Variants in ERC2 observed in about 807,000 individuals in gnomAD.
ERC2 encodes ELKS/RAB6-interacting/CAST family member 2, also known as ERC protein 2.
Under a neutral mutation model 114.8 loss-of-function variants are expected in ERC2, and 42 were observed. The observed-to-expected ratio is 0.37, with a 90% CI of 0.29 to 0.47. The LOEUF is 0.47. ERC2 is among the 20% of genes least tolerant of loss of function. The pLI, the probability that ERC2 is intolerant of heterozygous loss-of-function variation, is 0.99. For synonymous variants in ERC2, 454 were observed against 425.5 expected (o/e 1.07, Z -0.82); for missense variants, 939 against 1,150.7 (o/e 0.82, Z 2.66).
chr3:56,161,245 C>A (rs906474394), intron 4 of ERC2, among the ~76,000 whole-genome samples: 1 of 152,172 alleles, frequency 6.6e-6, no homozygotes, highest in South Asian at 2.1e-4. Context: ...AGAAGCTGAG[C>A]AGTTGTTGTT....
chr3:56,250,389 G>A (rs2052062261), intron 3 of ERC2, among the ~76,000 whole-genome samples: 1 of 152,190 alleles, frequency 6.6e-6, no homozygotes, highest in African/African-American at 2.4e-5. Flanking sequence ...TTACCTTTAG[G>A]AAGTATGAGA....
intron 3 of ERC2, among the ~76,000 whole-genome samples, chr3:56,233,952 G>A (rs2050786115): frequency 6.6e-6 from 1 of 152,110 alleles, no homozygotes; most frequent in South Asian, 2.1e-4. Context: ...ATCTAGGATA[G>A]TCTCCTCATC....
rs118119881 is a variant in ERC2, at chr3:55,804,473, G to T, written c.2565-69555C>A. ...CTAACCCCAGAGACAGGATGATTAG[G>T]AGTCTACTGGTTGTTTGCTGTGAAA... On this transcript the variant is annotated intron_variant, in intron 14 of 17. Transcript: ENST00000288221. Among the ~76,000 whole-genome samples, 4 of 152,252 alleles carry T rather than the reference G, an allele frequency of 2.6e-5. No individual in the cohort carries two copies. In the East Asian group the frequency reaches 7.7e-4, roughly 29 times the overall value.
chr3:55,564,215 G>C (rs1403990932), intron 17 of ERC2, among the ~76,000 whole-genome samples: 1 of 152,166 alleles, frequency 6.6e-6, no homozygotes, highest in East Asian at 1.9e-4. Context: ...TTATTATTTG[G>C]AACTAGGAAG....
intron 14 of ERC2, among the ~76,000 whole-genome samples, chr3:55,876,837 G>A (rs1387112999): frequency 2.0e-5 from 3 of 152,194 alleles, no homozygotes; most frequent in Non-Finnish European, 4.4e-5. Flanking sequence ...TGAGAACTGT[G>A]TCAATTCCAC....
chr3:55,802,752 G>A (rs1335975675), intron 14 of ERC2, among the ~76,000 whole-genome samples: 1 of 152,102 alleles, frequency 6.6e-6, no homozygotes, highest in East Asian at 1.9e-4. Flanking sequence ...AAATCAGCAA[G>A]TTTAGGGGGA....
intron 13 of ERC2, among the ~76,000 whole-genome samples, chr3:55,945,686 A>T (rs1213417533): frequency 6.6e-6 from 1 of 152,244 alleles, no homozygotes; most frequent in Non-Finnish European, 1.5e-5. Flanking sequence ...AAATTAAAAA[A>T]TAAAATTGCC....
chr3:55,904,535 C>T (rs1040885461), intron 13 of ERC2, among the ~76,000 whole-genome samples: 1 of 152,180 alleles, frequency 6.6e-6, no homozygotes, highest in African/African-American at 2.4e-5. Context: ...CCTCATTCTA[C>T]CCCTTTTTGC....
intron 10 of ERC2, 95 bp from the exon 11 acceptor site, chr3:55,992,345 G>T (rs2071144216): frequency 9.0e-7 from 1 of 1,111,342 alleles, no homozygotes; most frequent in Non-Finnish European, 1.3e-6. Context: ...ACTTTGGAGA[G>T]AAAATCACCA....
chr3:55,891,959 T>C (rs1263954245), intron 13 of ERC2, among the ~76,000 whole-genome samples: 2 of 152,192 alleles, frequency 1.3e-5, no homozygotes, highest in Non-Finnish European at 2.9e-5. Context: ...TTTTAACTGA[T>C]TGACTGTACA....
chr3:56,160,019 T>G (rs893385480), intron 4 of ERC2, among the ~76,000 whole-genome samples: 3 of 152,162 alleles, frequency 2.0e-5, no homozygotes, highest in African/African-American at 7.2e-5. Context: ...CTTTGGGTAA[T>G]GGGATTGCTG....
chr3:55,750,490 C>G (rs151049303), intron 14 of ERC2, among the ~76,000 whole-genome samples: 127 of 152,134 alleles, frequency 8.3e-4, no homozygotes, highest in African/African-American at 2.9e-3. Context: ...CCTTTCAATT[C>G]TTGGTTGCAG....
At chr3:56,410,439 C>T (rs1381084892) in intron 2 of ERC2, among the ~76,000 whole-genome samples, 1 of 152,230 alleles carries the variant, frequency 6.6e-6, no homozygotes, top group Non-Finnish European at 1.5e-5. Flanking sequence ...ATTTACTGAG[C>T]ACTTACTATG....
At chr3:56,379,051 T>C (rs1035992917) in intron 2 of ERC2, among the ~76,000 whole-genome samples, 2 of 152,230 alleles carry the variant, frequency 1.3e-5, no homozygotes, top group Non-Finnish European at 2.9e-5. Flanking sequence ...ATGTAATGAA[T>C]ATTAAAAATC....
intron 3 of ERC2, among the ~76,000 whole-genome samples, chr3:56,272,519 C>A (rs2053721502): frequency 6.6e-6 from 1 of 152,216 alleles, no homozygotes; most frequent in Non-Finnish European, 1.5e-5. Flanking sequence ...CCTGTTATCC[C>A]AGCACTTTGG....
chr3:55,682,271 A>T (rs944536948), intron 17 of ERC2, among the ~76,000 whole-genome samples: 4 of 152,142 alleles, frequency 2.6e-5, no homozygotes, highest in African/African-American at 9.7e-5. Flanking sequence ...TCATACTGAC[A>T]AGCTTTCCTG....
intron 17 of ERC2, chr3:55,658,229 C>T (rs565039801): frequency 6.6e-6 from 1 of 152,260 alleles, no homozygotes. Flanking sequence ...CTTCTGACTT[C>T]ATTTTCAGGT....
intron 6 of ERC2, among the ~76,000 whole-genome samples, chr3:56,124,678 A>G (rs74874457): frequency 0.03 from 4,613 of 152,320 alleles, 241 homozygotes; most frequent in African/African-American, 0.11. Context: ...TGGAAACTCA[A>G]TGTTGAGTAC....
At chr3:56,305,099 T>C (rs2056130104) in intron 2 of ERC2, among the ~76,000 whole-genome samples, 1 of 152,022 alleles carries the variant, frequency 6.6e-6, no homozygotes, top group Non-Finnish European at 1.5e-5. Context: ...CAAAAGAATC[T>C]ATAAATTATT....
Sources: gnomAD v4.1 joint callset for allele counts (sites outside exome capture counted in the v4.1 genomes callset) on GRCh38, gnomAD v4.1.1 for gene constraint, MANE v1.5 for transcripts, NCBI Gene and HGNC (gene_info 2026-07-23, HGNC 2026-07-21) for gene names.